The following CSNK2A2IP variants were observed in gnomAD, a reference collection of about 807,000 sequenced individuals.
CSNK2A2IP encodes the protein casein kinase II subunit alpha'-interacting protein.
At chr3:88,408,413 A>G in the CSNK2A2IP span, among the ~76,000 whole-genome samples, 1 of 152,012 alleles carries the variant, frequency 6.6e-6, no homozygotes, top group Admixed American at 6.6e-5. Context: ...TATGGAGATA[A>G]TATTTATCTC....
At chr3:88,460,000 T>C in the CSNK2A2IP span, among the ~76,000 whole-genome samples, 2 of 152,172 alleles carry the variant, frequency 1.3e-5, no homozygotes, top group Admixed American at 1.3e-4. Flanking sequence ...ATTTTTATCA[T>C]GTTTTAATGT....
chr3:88,447,077 G>C, the CSNK2A2IP span, among the ~76,000 whole-genome samples: 6 of 151,902 alleles, frequency 3.9e-5, no homozygotes, highest in Non-Finnish European at 8.8e-5. Flanking sequence ...AATGACCAAG[G>C]GAAAATACTT....
the CSNK2A2IP span, chr3:88,466,030 T>A: frequency 1.6e-6 from 2 of 1,231,692 alleles, no homozygotes; most frequent in Non-Finnish European, 2.0e-6. Context: ...GAAAACATCC[T>A]CATTGGACTA....
chr3:88,411,367 ATCTATCTATCTG>A, the CSNK2A2IP span, among the ~76,000 whole-genome samples: 1,096 of 131,638 alleles, frequency 8.3e-3, 27 homozygotes, highest in African/African-American at 0.026. Flanking sequence ...CTATCTATCT[ATCTATCTATCTG>A]TCTATCTATC....
At chr3:88,359,272 T>C in the CSNK2A2IP span, among the ~76,000 whole-genome samples, 1 of 151,922 alleles carries the variant, frequency 6.6e-6, no homozygotes, top group Non-Finnish European at 1.5e-5. Flanking sequence ...TGGTTCTTTT[T>C]TCTTCTTAGT....
At chr3:88,352,387 G>A in the CSNK2A2IP span, among the ~76,000 whole-genome samples, 1 of 151,966 alleles carries the variant, frequency 6.6e-6, no homozygotes, top group East Asian at 1.9e-4. Context: ...ATTTTTTGAG[G>A]TGTCATTTTG....
At chr3:88,425,207 A>C in the CSNK2A2IP span, among the ~76,000 whole-genome samples, 2 of 152,088 alleles carry the variant, frequency 1.3e-5, no homozygotes, top group East Asian at 1.9e-4. Context: ...CTATATTACA[A>C]TATAAATAAT....
chr3:88,392,424 T>G, the CSNK2A2IP span, among the ~76,000 whole-genome samples: 204 of 151,918 alleles, frequency 1.3e-3, 2 homozygotes, highest in African/African-American at 4.5e-3. Context: ...GACAAGGAGA[T>G]GTAGGAGAAA....
the CSNK2A2IP span, among the ~76,000 whole-genome samples, chr3:88,460,130 T>C: frequency 6.6e-6 from 1 of 152,172 alleles, no homozygotes; most frequent in South Asian, 2.1e-4. Flanking sequence ...AGGAACTCAA[T>C]TATAAAAATA....
chr3:88,454,334 AG>A, the CSNK2A2IP span, among the ~76,000 whole-genome samples: 44,319 of 151,620 alleles, frequency 0.29, 7,202 homozygotes, highest in East Asian at 0.48. Flanking sequence ...AGTCTTTATT[AG>A]ATAATGCTTT....
the CSNK2A2IP span, among the ~76,000 whole-genome samples, chr3:88,346,187 A>G: frequency 6.6e-6 from 1 of 151,938 alleles, no homozygotes; most frequent in African/African-American, 2.4e-5. Context: ...GAAAAGTTTA[A>G]AGCTAGAAGA....
chr3:88,410,463 C>T, the CSNK2A2IP span, among the ~76,000 whole-genome samples: 8 of 152,020 alleles, frequency 5.3e-5, no homozygotes, highest in African/African-American at 1.7e-4. Context: ...CACTCATCCA[C>T]TCCGGAAGCT....
the CSNK2A2IP span, among the ~76,000 whole-genome samples, chr3:88,462,304 C>T: frequency 3.3e-5 from 5 of 152,004 alleles, no homozygotes; most frequent in Non-Finnish European, 5.9e-5. Context: ...TTTCATTTTG[C>T]CATCTAGAAG....
the CSNK2A2IP span, among the ~76,000 whole-genome samples, chr3:88,358,407 T>C: frequency 3.3e-5 from 5 of 152,212 alleles, no homozygotes; most frequent in Non-Finnish European, 5.9e-5. Context: ...CCTTGCCTTG[T>C]TCCGGATCTT....
At chr3:88,448,502 T>C in the CSNK2A2IP span, among the ~76,000 whole-genome samples, 9 of 152,334 alleles carry the variant, frequency 5.9e-5, no homozygotes, top group South Asian at 2.1e-4. Context: ...CTATGTCCCA[T>C]AGTTTCTTTT....
the CSNK2A2IP span, among the ~76,000 whole-genome samples, chr3:88,454,630 A>G: frequency 6.6e-6 from 1 of 151,782 alleles, no homozygotes; most frequent in Admixed American, 6.6e-5. Context: ...TTTTTTATAC[A>G]TGTGTCTTTT....
At chr3:88,350,669 A>G in the CSNK2A2IP span, among the ~76,000 whole-genome samples, 1 of 152,106 alleles carries the variant, frequency 6.6e-6, no homozygotes, top group African/African-American at 2.4e-5. Context: ...GTATCAGACT[A>G]TCCTTCATCT....
the CSNK2A2IP span, among the ~76,000 whole-genome samples, chr3:88,383,954 C>A: frequency 1.8e-4 from 27 of 152,204 alleles, no homozygotes; most frequent in Non-Finnish European, 3.8e-4. Flanking sequence ...TAAGCCACTG[C>A]GCCGGGCTTC....
At chr3:88,340,023 C>T in the CSNK2A2IP span, among the ~76,000 whole-genome samples, 1 of 152,026 alleles carries the variant, frequency 6.6e-6, no homozygotes, top group East Asian at 1.9e-4. Flanking sequence ...GTACAGTTGC[C>T]TATTTGCGAG....
Sources: gnomAD v4.1 joint callset for allele counts (sites outside exome capture counted in the v4.1 genomes callset) on GRCh38, gnomAD v4.1.1 for gene constraint, MANE v1.5 for transcripts, NCBI Gene and HGNC (gene_info 2026-07-23, HGNC 2026-07-21) for gene names.